The following OPCML variants were observed in gnomAD, a reference collection of about 807,000 sequenced individuals.
OPCML encodes the protein opioid binding protein/cell adhesion molecule like, also known as opioid-binding protein/cell adhesion molecule.
OPCML carries 13 observed loss-of-function variants against 37.8 expected under a neutral mutation model. The observed-to-expected ratio is 0.34, with a 90% CI of 0.22 to 0.55. OPCML has a LOEUF of 0.55. Ranked by LOEUF, OPCML falls within the 20% of genes least tolerant of loss-of-function variation. The pLI is 0.91. For missense variants in OPCML, 341 were observed against 435.6 expected (o/e 0.78, Z 1.93); for synonymous variants, 176 against 168.8 (o/e 1.04, Z -0.33).
chr11:132,568,136 A>G (rs1299723292), intron 3 of OPCML, among the ~76,000 whole-genome samples: 1 of 152,208 alleles, frequency 6.6e-6, no homozygotes, highest in Non-Finnish European at 1.5e-5. Context: ...TGGGTGTGCA[A>G]ATACCAAGAC....
chr11:132,598,048 G>C (rs1335826494), intron 3 of OPCML, among the ~76,000 whole-genome samples: 1 of 151,568 alleles, frequency 6.6e-6, no homozygotes, highest in African/African-American at 2.4e-5. Context: ...AGCAACCCTC[G>C]CTCCATTCAT....
At chr11:132,821,590 G>A (rs566515599) in intron 2 of OPCML, among the ~76,000 whole-genome samples, 9 of 152,336 alleles carry the variant, frequency 5.9e-5, no homozygotes, top group East Asian at 3.9e-4. Context: ...GAAGCTCTAC[G>A]AAGGAGAGAC....
intron 1 of OPCML, among the ~76,000 whole-genome samples, chr11:133,489,316 A>C (rs79629634): frequency 6.6e-5 from 10 of 151,930 alleles, no homozygotes; most frequent in East Asian, 3.9e-4. Context: ...AAAAAAAAAA[A>C]CTGTAAACTA....
intron 1 of OPCML, among the ~76,000 whole-genome samples, chr11:133,151,098 C>T (rs932775507): frequency 1.3e-5 from 2 of 151,790 alleles, no homozygotes; most frequent in African/African-American, 4.8e-5. Context: ...CGTGGTGAAA[C>T]CCGGTCTCTG....
chr11:132,471,533 G>T (rs1210894717), intron 4 of OPCML, among the ~76,000 whole-genome samples: 1 of 152,192 alleles, frequency 6.6e-6, no homozygotes, highest in Non-Finnish European at 1.5e-5. Flanking sequence ...CTTGGGGCTG[G>T]AGGACCTGAT....
chr11:133,437,633 TCTCCCCTCTCAACCCC>T (rs1946264140), intron 1 of OPCML, among the ~76,000 whole-genome samples: 1 of 140,688 alleles, frequency 7.1e-6, no homozygotes, highest in African/African-American at 2.8e-5. Context: ...CCCGCTCACC[TCTCCCCTCTCAACCCC>T]GCTCACCTCT....
At chr11:133,080,477 T>G (rs1048365786) in intron 1 of OPCML, among the ~76,000 whole-genome samples, 4 of 74,284 alleles carry the variant, frequency 5.4e-5, no homozygotes, top group Non-Finnish European at 1.6e-4. Flanking sequence ...ATCAAATGTT[T>G]TTTTTTTTTT....
chr11:133,248,766 AGAGCATGGGC>A (rs1941034246), intron 1 of OPCML, among the ~76,000 whole-genome samples: 2 of 152,322 alleles, frequency 1.3e-5, no homozygotes, highest in East Asian at 3.9e-4. Flanking sequence ...TTGTGGTGGG[AGAGCATGGGC>A]CACAGAAAGA....
Position 132,419,860 on chromosome 11 carries a change from G to T in OPCML, c.*333C>A. 4.0e-6 allele frequency: 1 copy of T among 250,842 alleles called. No individual in the cohort carries two copies. Among genetic ancestry groups the T allele is most frequent in the Non-Finnish European group, 7.6e-6 (1 of 131,180 alleles). 15.5% of individuals were successfully genotyped at this position (250,842 alleles called of 1,614,324 possible). A position where few individuals can be genotyped will look rare whatever the true frequency, so the allele number is the denominator to read the frequency against. On this transcript the variant is annotated 3_prime_UTR_variant, in exon 8 of 8. Transcript: ENST00000524381. ...TTTGCCCAAATGAAACTTACGTTTT[G>T]TTGTGTGTGGCAGAGGATGTTGTTG...
chr11:132,938,728 G>A (rs1945476423), intron 2 of OPCML, among the ~76,000 whole-genome samples: 1 of 152,106 alleles, frequency 6.6e-6, no homozygotes, highest in South Asian at 2.1e-4. Context: ...GAGCTTTCTA[G>A]GGCATTAACA....
chr11:132,781,228 G>C (rs1385361088), intron 2 of OPCML, among the ~76,000 whole-genome samples: 1 of 152,054 alleles, frequency 6.6e-6, no homozygotes, highest in Non-Finnish European at 1.5e-5. Context: ...ACAAACTCTC[G>C]AATAGGTGGG....
intron 1 of OPCML, among the ~76,000 whole-genome samples, chr11:133,105,071 T>A (rs921354520): frequency 6.6e-6 from 1 of 152,220 alleles, no homozygotes; most frequent in Non-Finnish European, 1.5e-5. Context: ...TTAAACTTTA[T>A]GGTTTAGAGA....
At chr11:133,204,866 G>GTGTATA (rs1237318976) in intron 1 of OPCML, among the ~76,000 whole-genome samples, 3 of 25,214 alleles carry the variant, frequency 1.2e-4, no homozygotes, top group East Asian at 2.1e-3. Flanking sequence ...ATATATATAT[G>GTGTATA]TGTATATATA....
chr11:133,157,925 G>A (rs1055929808), intron 1 of OPCML, among the ~76,000 whole-genome samples: 1 of 152,166 alleles, frequency 6.6e-6, no homozygotes, highest in African/African-American at 2.4e-5. Context: ...GGGGGGCACT[G>A]GTTATACAAG....
At chr11:133,286,787 G>A (rs796849762) in intron 1 of OPCML, among the ~76,000 whole-genome samples, 4 of 152,268 alleles carry the variant, frequency 2.6e-5, no homozygotes, top group African/African-American at 9.6e-5. Flanking sequence ...AACAACATTG[G>A]TTTTAAAAGG....
intron 1 of OPCML, chr11:133,003,944 C>T (rs530375486): frequency 3.5e-5 from 34 of 985,446 alleles, no homozygotes; most frequent in African/African-American, 2.4e-4. Flanking sequence ...TGGCAGCACC[C>T]GGCACACTGT....
At chr11:132,675,735 A>C (rs1942673721) in intron 2 of OPCML, among the ~76,000 whole-genome samples, 1 of 152,220 alleles carries the variant, frequency 6.6e-6, no homozygotes, top group Non-Finnish European at 1.5e-5. Flanking sequence ...CTTTTTACAA[A>C]AGAATTACAA....
intron 4 of OPCML, among the ~76,000 whole-genome samples, chr11:132,460,407 C>G (rs981359854): frequency 4.6e-5 from 7 of 152,144 alleles, no homozygotes; most frequent in African/African-American, 1.4e-4. Context: ...GACCTCACAG[C>G]AATAAGAGTT....
At chr11:132,605,876 A>G (rs1033395450) in intron 3 of OPCML, among the ~76,000 whole-genome samples, 1 of 152,218 alleles carries the variant, frequency 6.6e-6, no homozygotes, top group African/African-American at 2.4e-5. Flanking sequence ...ATAAGTGAAC[A>G]AATGAATGAG....
Sources: gnomAD v4.1 joint callset for allele counts (sites outside exome capture counted in the v4.1 genomes callset) on GRCh38, gnomAD v4.1.1 for gene constraint, MANE v1.5 for transcripts, NCBI Gene and HGNC (gene_info 2026-07-23, HGNC 2026-07-21) for gene names.